CBX7: variants seen among roughly 807,000 people sequenced by gnomAD.
The protein encoded by CBX7 is chromobox 7, also known as chromobox protein homolog 7.
Under a neutral mutation model 31.4 loss-of-function variants are expected in CBX7, and 14 were observed. The ratio of observed to expected loss-of-function variants is 0.45; its 90% CI spans 0.29 to 0.70. The LOEUF (loss-of-function observed/expected upper bound fraction) is 0.70. Ranked by LOEUF, CBX7 falls within the 30% of genes least tolerant of loss-of-function variation. The pLI is 0.11. For missense variants in CBX7, 269 were observed against 351.9 expected (o/e 0.76, Z 1.89); for synonymous variants, 159 against 152.6 (o/e 1.04, Z -0.31).
At chr22:39,137,767 A>C (rs1930305299) in intron 4 of CBX7, among the ~76,000 whole-genome samples, 1 of 152,146 alleles carries the variant, frequency 6.6e-6, no homozygotes, top group African/African-American at 2.4e-5. Context: ...CGACGTGGGT[A>C]CTCCGGGATG....
At chr22:39,138,749 T>C in intron 3 of CBX7, 47 bp from the exon 4 acceptor site, 7 of 1,577,228 alleles carry the variant, frequency 4.4e-6, no homozygotes, top group Non-Finnish European at 6.1e-6. Flanking sequence ...ACTGGTGACA[T>C]CTAAGGGAAG....
chr22:39,138,106 G>T (rs922654132), intron 4 of CBX7, among the ~76,000 whole-genome samples: 1 of 151,644 alleles, frequency 6.6e-6, no homozygotes, highest in Non-Finnish European at 1.5e-5. Flanking sequence ...GCGTGAACCC[G>T]GGAGGTGGAG....
chr22:39,143,263 G>T (rs5750754), intron 2 of CBX7, among the ~76,000 whole-genome samples: 31,126 of 149,652 alleles, frequency 0.21, 3,720 homozygotes, highest in East Asian at 0.43. Context: ...CAAAAACAAT[G>T]AAAATAAAAA....
intron 2 of CBX7, among the ~76,000 whole-genome samples, chr22:39,146,211 C>G (rs1189458349): frequency 2.0e-5 from 3 of 152,202 alleles, no homozygotes; most frequent in African/African-American, 7.2e-5. Flanking sequence ...ATGTGTTAAG[C>G]CACGGAAAGC....
At chr22:39,134,994 C>T (rs188740195) in intron 4 of CBX7, 138 of 484,494 alleles carry the variant, frequency 2.8e-4, no homozygotes, top group African/African-American at 1.7e-3. Context: ...CGCGTCCCAG[C>T]GTTTACTCCT....
chr22:39,134,261 G>A, intron 5 of CBX7, 140 bp downstream of exon 5: 4 of 871,700 alleles, frequency 4.6e-6, no homozygotes, highest in Non-Finnish European at 6.8e-6. Context: ...AGGAGCCCTG[G>A]GCTAGTGTTG....
In CBX7 at chr22:39,133,774, T is replaced by C. The variant is rs1930131439; in HGVS notation, c.*117A>G. ...GAGAGTAGTGGGATCTTCTCCCCTT[T>C]TGCTGCTCGGTATTTTTTTAAATAA... is the stretch of plus-strand genomic sequence containing the variant. On this transcript the variant is annotated 3_prime_UTR_variant, in exon 6 of 6. Transcript: ENST00000216133. The C allele has an allele frequency of 1.9e-6, 2 of 1,034,744 alleles. No homozygotes were observed. Among genetic ancestry groups the C allele is most frequent in the African/African-American group, 1.7e-5 (1 of 60,422 alleles). 64.1% of individuals were successfully genotyped at this position (1,034,744 alleles called of 1,614,324 possible).
At chr22:39,143,841 T>C (rs957368389) in intron 2 of CBX7, among the ~76,000 whole-genome samples, 4 of 152,226 alleles carry the variant, frequency 2.6e-5, no homozygotes, top group East Asian at 1.9e-4. Context: ...GGTTGTACCA[T>C]CTAGGTGTGC....
At chr22:39,137,733 G>A (rs1381831739) in intron 4 of CBX7, among the ~76,000 whole-genome samples, 2 of 152,090 alleles carry the variant, frequency 1.3e-5, no homozygotes, top group Non-Finnish European at 2.9e-5. Flanking sequence ...AAGCACTGAG[G>A]TCAGGAAAGG....
chr22:39,132,088 C>G lies in CBX7; in HGVS notation c.*1803G>C, dbSNP rs1930062868. ...ATCAGGTCATCCCGGAGGGGACTGT[C>G]CCCCAATGGAAGCACTGAATTGACC... On this transcript the variant is annotated 3_prime_UTR_variant, in exon 6 of 6. Coordinates refer to ENST00000216133, the MANE Select transcript of CBX7 (RefSeq NM_175709.5). 6.6e-6 allele frequency: 1 copy of G among 152,230 alleles called. No individual in the cohort carries two copies. Among genetic ancestry groups the G allele is most frequent in the Non-Finnish European group, 1.5e-5 (1 of 68,088 alleles). The allele number at this position is 152,230 out of a possible 1,614,324, so 9.4% of individuals were successfully genotyped here.
chr22:39,147,964 A>G (rs973006188), intron 2 of CBX7: 1 of 152,276 alleles, frequency 6.6e-6, no homozygotes, highest in African/African-American at 2.4e-5. Context: ...CTGAACATGC[A>G]TTCGCTCAAT....
At chr22:39,139,436 C>T (rs905163100) in intron 3 of CBX7, among the ~76,000 whole-genome samples, 4 of 152,234 alleles carry the variant, frequency 2.6e-5, no homozygotes, top group South Asian at 2.1e-4. Context: ...GGCACGGTGG[C>T]TCACGCCCGT....
intron 2 of CBX7, among the ~76,000 whole-genome samples, chr22:39,144,359 G>A (rs916248465): frequency 3.3e-5 from 5 of 152,124 alleles, no homozygotes; most frequent in Non-Finnish European, 5.9e-5. Context: ...GGTATTTGTA[G>A]CCTTCCCTGA....
chr22:39,134,359 C>A (rs1228129849), intron 5 of CBX7, 42 bp downstream of exon 5: 4 of 1,492,358 alleles, frequency 2.7e-6, no homozygotes, highest in Non-Finnish European at 3.6e-6. Flanking sequence ...ACCCATAGGG[C>A]CCTTTCCAGC....
chr22:39,148,198 T>A (rs1273192159), intron 2 of CBX7: 1 of 152,118 alleles, frequency 6.6e-6, no homozygotes, highest in Non-Finnish European at 1.5e-5. Context: ...AACAAATGGG[T>A]CCCCAGGCTA....
rs1000708930 is a variant in CBX7 at position 39,133,651 on chromosome 22, C to T, written c.*240G>A. On this transcript the variant is annotated 3_prime_UTR_variant, in exon 6 of 6. Coordinates refer to ENST00000216133, the MANE Select transcript of CBX7 (RefSeq NM_175709.5). Reference sequence around the variant, plus strand: ...CCGGGCAGGTGATCCTGTCCCCATCCTGCCCTGGGGGTGGTACCCCAACTC... The same window carrying T: ...CCGGGCAGGTGATCCTGTCCCCATCTTGCCCTGGGGGTGGTACCCCAACTC... 1.2e-5 allele frequency: 5 copies of T among 413,276 alleles called. No homozygotes were observed. The highest frequency in any genetic ancestry group is 1.0e-4 in the African/African-American group (5 of 48,704). 25.6% of individuals were successfully genotyped at this position (413,276 alleles called of 1,614,324 possible).
rs1481840069 is a variant in CBX7, at chr22:39,132,721, C to A, written c.*1170G>T. 1 of 152,696 alleles carries A rather than the reference C, an allele frequency of 6.5e-6. No individual in the cohort carries two copies. The highest frequency in any genetic ancestry group is 6.5e-5 in the Admixed American group (1 of 15,270). The allele number at this position is 152,696 out of a possible 1,614,324, so 9.5% of individuals were successfully genotyped here. On this transcript the variant is annotated 3_prime_UTR_variant, in exon 6 of 6. Coordinates refer to ENST00000216133, the MANE Select transcript of CBX7 (RefSeq NM_175709.5). ...GAAGGGGCTTAGGAGTCAAGGGCTG[C>A]CCTGAGAACGTGGTGGGACACTCCC...
At chr22:39,143,856 G>C (rs1484247300) in intron 2 of CBX7, among the ~76,000 whole-genome samples, 3 of 152,166 alleles carry the variant, frequency 2.0e-5, no homozygotes, top group East Asian at 1.9e-4. Flanking sequence ...GTGTGCCTAA[G>C]GTCACTCTGA....
intron 4 of CBX7, among the ~76,000 whole-genome samples, chr22:39,137,992 C>T (rs1482600878): frequency 3.9e-5 from 6 of 152,094 alleles, no homozygotes; most frequent in South Asian, 2.1e-4. Flanking sequence ...CCATCCTGGC[C>T]AACACGGTGA....
Sources: gnomAD v4.1 joint callset for allele counts (sites outside exome capture counted in the v4.1 genomes callset) on GRCh38, gnomAD v4.1.1 for gene constraint, MANE v1.5 for transcripts, NCBI Gene and HGNC (gene_info 2026-07-23, HGNC 2026-07-21) for gene names.